Variants in CEMIP2 observed in about 807,000 individuals in gnomAD.
The protein encoded by CEMIP2 is cell migration inducing hyaluronidase 2.
CEMIP2 carries 79 observed loss-of-function variants against 146.9 expected under a neutral mutation model. The observed-to-expected ratio is 0.54, with a 90% CI of 0.45 to 0.65. The LOEUF (loss-of-function observed/expected upper bound fraction) is 0.65, where lower values mean the gene tolerates loss of function less well. Among genes scored for constraint, CEMIP2 ranks in the 30% least tolerant of loss-of-function variants. CEMIP2 has a pLI of 0.00. For missense variants in CEMIP2, 1,596 were observed against 1,696.2 expected, an observed-to-expected ratio of 0.94 and a Z score of 1.04; for synonymous variants, 601 against 606.3, an observed-to-expected ratio of 0.99 and a Z score of 0.13.
intron 4 of CEMIP2, among the ~76,000 whole-genome samples, chr9:71,743,430 C>A (rs1435750495): frequency 6.6e-6 from 1 of 152,036 alleles, no homozygotes. Context: ...ATTTCAAAAA[C>A]AAAAACCAGA....
At chr9:71,704,869 C>T in intron 17 of CEMIP2, 66 bp from the exon 18 acceptor site, 1 of 1,474,972 alleles carries the variant, frequency 6.8e-7, no homozygotes, top group Non-Finnish European at 9.4e-7. Context: ...AAGACATTTT[C>T]AGCACAAAGT....
chr9:71,729,914 C>A lies in CEMIP2; in HGVS notation c.1980G>T (p.Met660Ile). ...GAGCAATCCAGAAAGTTGAAACAGC[C>A]CTGCAAGGCATTTTTCAAGGTGATT... Reference protein sequence around the residue: ...NYIPVPATDCMAVSTFWIAHP... With the variant: ...NYIPVPATDCIAVSTFWIAHP... Residue 660 changes from methionine (M) to isoleucine (I), a missense_variant and splice_region_variant, in exon 10 of 24, where the codon ATG (methionine) becomes ATT (isoleucine). Coordinates refer to ENST00000377044, the MANE Select transcript of CEMIP2 (RefSeq NM_013390.3). 1 of 1,614,136 alleles carries A rather than the reference C, an allele frequency of 6.2e-7. No individual in the cohort carries two copies. The highest frequency in any genetic ancestry group is 8.5e-7 in the Non-Finnish European group (1 of 1,180,004).
chr9:71,710,941 A>C (rs1486122842), intron 16 of CEMIP2, among the ~76,000 whole-genome samples: 4 of 152,232 alleles, frequency 2.6e-5, no homozygotes, highest in Non-Finnish European at 5.9e-5. Context: ...TAAACCTATC[A>C]AGCTCTATTT....
chr9:71,757,921 G>A (rs184629291), intron 1 of CEMIP2, among the ~76,000 whole-genome samples: 20 of 152,190 alleles, frequency 1.3e-4, no homozygotes, highest in Non-Finnish European at 2.2e-4. Context: ...CTCTAATTCC[G>A]CAAGTTTCAA....
At position 71,685,782 on chromosome 9, in the gene CEMIP2, G is replaced by A; in HGVS notation, c.3916C>T (p.Pro1306Ser). The change falls in exon 23 of 24, where the codon CCT becomes TCT. Residue 1306 changes from proline (P) to serine (S), a missense_variant. Coordinates refer to ENST00000377044, the MANE Select transcript of CEMIP2 (RefSeq NM_013390.3). ...KQLNISHLLV[P>S]LGLAKPAHLY... ...TGAGCTGGTTTGGCTAATCCCAGAG[G>A]TACTAGTAAGTGTGAAATGTTTAAC... 6.2e-7 allele frequency: 1 copy of A among 1,613,998 alleles called. No homozygotes were observed. Among genetic ancestry groups the A allele is most frequent in the Non-Finnish European group, 8.5e-7 (1 of 1,179,934 alleles).
chr9:71,727,922 G>T (rs564981627), intron 10 of CEMIP2, among the ~76,000 whole-genome samples: 1 of 151,966 alleles, frequency 6.6e-6, no homozygotes, highest in South Asian at 2.1e-4. Flanking sequence ...TTAGCCAGCC[G>T]TGGTGGCAGG....
chr9:71,712,084 T>C lies in CEMIP2; in HGVS notation c.2768A>G (p.His923Arg), dbSNP rs776058546. The change falls in exon 16 of 24, where the codon CAT becomes CGT. Residue 923 changes from histidine (H) to arginine (R), a missense_variant and splice_region_variant. By Grantham distance (29) the His-to-Arg change is conservative (BLOSUM62 0). Coordinates refer to ENST00000377044, the MANE Select transcript of CEMIP2 (RefSeq NM_013390.3). ...NNISLVKFGP[H>R]VSLNVFFGKP... ...GTAAGAACTACAGAACATACTTACA[T>C]GTGGACCAAACTTCACGAGGGAGAT... 16 of 1,613,978 alleles carry C rather than the reference T, an allele frequency of 9.9e-6. No individual in the cohort carries two copies. The Admixed American group carries it at 2.5e-4, about 25-fold the overall frequency.
At chr9:71,691,944 A>G (rs1822239421) in intron 21 of CEMIP2, among the ~76,000 whole-genome samples, 1 of 152,072 alleles carries the variant, frequency 6.6e-6, no homozygotes, top group Non-Finnish European at 1.5e-5. Flanking sequence ...CCCCATCTCT[A>G]CTAAAAATAA....
chr9:71,723,264 C>G (rs1823294225), intron 11 of CEMIP2, among the ~76,000 whole-genome samples: 1 of 146,590 alleles, frequency 6.8e-6, no homozygotes, highest in East Asian at 2.0e-4. Context: ...GAAGTCAGGA[C>G]AATAGGAATT....
chr9:71,748,687 C>T (rs1824158153), intron 2 of CEMIP2, among the ~76,000 whole-genome samples: 1 of 152,152 alleles, frequency 6.6e-6, no homozygotes, highest in African/African-American at 2.4e-5. Context: ...GGAAGTCATA[C>T]CGCATGCAAT....
At chr9:71,690,000 G>A in intron 22 of CEMIP2, 92 bp downstream of exon 22, 4 of 1,487,944 alleles carry the variant, frequency 2.7e-6, no homozygotes, top group Non-Finnish European at 3.7e-6. Flanking sequence ...TGTCCAGAGA[G>A]TAAAAAATCG....
chr9:71,722,037 A>G (rs1393395211), intron 12 of CEMIP2, among the ~76,000 whole-genome samples: 2 of 152,190 alleles, frequency 1.3e-5, no homozygotes, highest in African/African-American at 4.8e-5. Flanking sequence ...TTTGACCACA[A>G]AGAATAAATT....
In CEMIP2 at chr9:71,730,047, C is replaced by T. The variant is rs1823568973; in HGVS notation, c.1979+1G>A. The stretch of plus-strand genomic sequence containing the variant: ...GGTTTTTCTCTCCGCCAATTACTCA[C>T]ATACAGTCAGTAGCAGGCACAGGAA... On this transcript the variant is annotated splice_donor_variant, in intron 9 of 23. Coordinates refer to ENST00000377044, the MANE Select transcript of CEMIP2 (RefSeq NM_013390.3). LOFTEE classifies it high-confidence loss of function. The T allele has an allele frequency of 1.9e-6, 3 of 1,614,082 alleles. No homozygotes were observed. The highest frequency in any genetic ancestry group is 2.5e-6 in the Non-Finnish European group (3 of 1,180,036).
At position 71,690,992 on chromosome 9, in the gene CEMIP2, C is replaced by T. The variant is rs990166821; in HGVS notation, c.3697-746G>A. On this transcript the variant is annotated intron_variant, in intron 21 of 23. Coordinates refer to ENST00000377044, the MANE Select transcript of CEMIP2 (RefSeq NM_013390.3). ...CTAATTAAACCCATAGGCACTGTTC[C>T]TGTTTATAAGGTGTAAAATTATAAA... Among the ~76,000 whole-genome samples, 4 of 152,168 alleles carry T rather than the reference C, an allele frequency of 2.6e-5. No homozygotes were observed. In the East Asian group the frequency reaches 7.7e-4, roughly 29 times the overall value.
At chr9:71,718,313 C>A (rs1464122283) in intron 12 of CEMIP2, among the ~76,000 whole-genome samples, 1 of 152,048 alleles carries the variant, frequency 6.6e-6, no homozygotes, top group African/African-American at 2.4e-5. Context: ...TTTGAAAAAT[C>A]AATTAAAATG....
Position 71,729,869 on chromosome 9 carries a change from A to C in CEMIP2, c.2025T>G (p.Ile675Met), listed in dbSNP as rs1823562472. ...FWIAHPNNNL[I>M]NNAAAGSQDA... ...CCTGTGAGCCTGCAGCTGCATTATTAATCAGATTATTGTTGGGATGAGCAA... is the reference window on the plus strand; with the variant it reads ...CCTGTGAGCCTGCAGCTGCATTATTCATCAGATTATTGTTGGGATGAGCAA... Residue 675 changes from isoleucine (I) to methionine (M), a missense_variant, in exon 10 of 24, where the codon ATT (isoleucine) becomes ATG (methionine). Transcript: ENST00000377044. 6.2e-7 allele frequency: 1 copy of C among 1,614,072 alleles called. No homozygotes were observed. The highest frequency in any genetic ancestry group is 1.1e-5 in the South Asian group (1 of 91,086).
rs1263040126 is a variant in CEMIP2 at position 71,700,702 on chromosome 9, G to A, written c.3317C>T (p.Ser1106Leu). ...TTGCTTTCTTTGCAGTTCTTCCAGT[G>A]AATGCACAGGCTCATATTCTTCGAT... Reference protein sequence around the residue: ...SKIEEYEPVHSLEELQRKQSE... With the variant: ...SKIEEYEPVHLLEELQRKQSE... Residue 1106 changes from serine (S) to leucine (L), a missense_variant, in exon 19 of 24, where the codon TCA (serine) becomes TTA (leucine). By Grantham distance (145) the Ser-to-Leu change is moderately radical. Coordinates refer to ENST00000377044, the MANE Select transcript of CEMIP2 (RefSeq NM_013390.3). 1.2e-6 allele frequency: 2 copies of A among 1,612,502 alleles called. No individual in the cohort carries two copies. The highest frequency in any genetic ancestry group is 2.2e-5 in the South Asian group (2 of 90,766).
At chr9:71,762,571 G>C (rs1009911632) in intron 1 of CEMIP2, among the ~76,000 whole-genome samples, 6 of 148,622 alleles carry the variant, frequency 4.0e-5, no homozygotes, top group African/African-American at 1.5e-4. Flanking sequence ...TACGTGACAA[G>C]CCCAAGTGCT....
chr9:71,707,461 T>A (rs1032982872), intron 17 of CEMIP2, among the ~76,000 whole-genome samples: 1 of 152,220 alleles, frequency 6.6e-6, no homozygotes, highest in African/African-American at 2.4e-5. Context: ...GCCCTTTGTT[T>A]AGTCTATAGA....
Sources: gnomAD v4.1 joint callset for allele counts (sites outside exome capture counted in the v4.1 genomes callset) on GRCh38, gnomAD v4.1.1 for gene constraint, MANE v1.5 for transcripts, NCBI Gene and HGNC (gene_info 2026-07-23, HGNC 2026-07-21) for gene names.